FAM227B: variants seen among roughly 807,000 people sequenced by gnomAD.
FAM227B encodes the protein protein FAM227B.
In FAM227B, 88 loss-of-function variants were observed where a neutral mutation model predicts 73.8. That is an observed-to-expected ratio of 1.19 (90% confidence interval 1.00 to 1.42). The LOEUF (loss-of-function observed/expected upper bound fraction) is 1.42. FAM227B is among the 40% of genes most tolerant of loss of function. The pLI, the probability that FAM227B is intolerant of heterozygous loss-of-function variation, is 0.00. For synonymous variants in FAM227B, 210 were observed against 190.5 expected (o/e 1.10, Z -0.84); for missense variants, 632 against 590.9 (o/e 1.07, Z -0.72).
chr15:49,338,798 C>T (rs529919388), intron 13 of FAM227B, among the ~76,000 whole-genome samples: 11 of 152,130 alleles, frequency 7.2e-5, no homozygotes, highest in Non-Finnish European at 1.3e-4. Context: ...CACATAGTCC[C>T]ATATTTGTTG....
intron 10 of FAM227B, among the ~76,000 whole-genome samples, chr15:49,532,728 A>G (rs2060705092): frequency 6.6e-6 from 1 of 151,926 alleles, no homozygotes; most frequent in Admixed American, 6.6e-5. Flanking sequence ...TTTAATCAGA[A>G]CAACTTTACA....
chr15:49,357,682 C>G lies in FAM227B; in HGVS notation c.1271+9766G>C, dbSNP rs200717562. Reference sequence around the variant, plus strand: ...GTACAAGGAGGAACTGGTACCATTCCTTCTGAAACTATTCCAATCAATAGA... The same window carrying G: ...GTACAAGGAGGAACTGGTACCATTCGTTCTGAAACTATTCCAATCAATAGA... On this transcript the variant is annotated intron_variant, in intron 13 of 15. Transcript: ENST00000299338. 6.1e-4 allele frequency among the ~76,000 whole-genome samples: 92 copies of G among 151,856 alleles called. No individual in the cohort carries two copies. The East Asian group carries it at 0.012, about 20-fold the overall frequency.
At chr15:49,586,209 G>C (rs1012026595) in intron 5 of FAM227B, among the ~76,000 whole-genome samples, 1 of 152,092 alleles carries the variant, frequency 6.6e-6, no homozygotes, top group Non-Finnish European at 1.5e-5. Flanking sequence ...CAATGGAACA[G>C]AATAAAGAAC....
Position 49,381,228 on chromosome 15 carries a change from C to A in FAM227B, c.1013-9829G>T, listed in dbSNP as rs2046513291. On this transcript the variant is annotated intron_variant, in intron 11 of 15. Transcript: ENST00000299338. ...TCTCCCTCTAGGCCCATCTCCAACA[C>A]TGGGGATTATATCTCAACATTAGAT... is the stretch of plus-strand genomic sequence containing the variant. 2.0e-5 allele frequency among the ~76,000 whole-genome samples: 3 copies of A among 152,170 alleles called. No homozygotes were observed. In the South Asian group the frequency reaches 6.2e-4, roughly 32 times the overall value.
chr15:49,520,362 GC>G (rs1262417938), intron 10 of FAM227B, among the ~76,000 whole-genome samples: 9 of 152,062 alleles, frequency 5.9e-5, no homozygotes, highest in Admixed American at 5.9e-4. Context: ...TTTCTTCTGA[GC>G]CCTCCAAACT....
intron 9 of FAM227B, among the ~76,000 whole-genome samples, chr15:49,564,053 C>T (rs1201236737): frequency 6.6e-6 from 1 of 152,098 alleles, no homozygotes; most frequent in East Asian, 1.9e-4. Context: ...AAACAGGCAA[C>T]CTACAGAATA....
At chr15:49,460,645 A>G (rs1597345650) in intron 11 of FAM227B, among the ~76,000 whole-genome samples, 1 of 152,202 alleles carries the variant, frequency 6.6e-6, no homozygotes, top group East Asian at 1.9e-4. Flanking sequence ...TTTAACCCAC[A>G]CACATTGTAT....
intron 12 of FAM227B, among the ~76,000 whole-genome samples, chr15:49,369,465 A>T (rs931865620): frequency 2.0e-5 from 3 of 152,218 alleles, no homozygotes; most frequent in Non-Finnish European, 4.4e-5. Context: ...CAAAGAATCA[A>T]GCAACTCCAT....
intron 13 of FAM227B, among the ~76,000 whole-genome samples, chr15:49,354,579 C>G (rs529292466): frequency 6.6e-6 from 1 of 152,362 alleles, no homozygotes; most frequent in Non-Finnish European, 1.5e-5. Context: ...TATCCCGCAC[C>G]TGGCTGGAAG....
In FAM227B at chr15:49,491,169, C is replaced by T. The variant is rs150300401; in HGVS notation, c.1012+17042G>A. 2.8e-3 allele frequency among the ~76,000 whole-genome samples: 419 copies of T among 152,038 alleles called. 1 individual carries two copies. The highest frequency in any genetic ancestry group is 4.8e-3 in the Non-Finnish European group (329 of 67,868). On this transcript the variant is annotated intron_variant, in intron 11 of 15. Coordinates refer to ENST00000299338, the MANE Select transcript of FAM227B (RefSeq NM_152647.3). ...TTCTTTCTCAACATCCATTCAGATT[C>T]ATCTCTTTCTTCATCCTCCTACAGC... is the stretch of plus-strand genomic sequence containing the variant.
intron 9 of FAM227B, among the ~76,000 whole-genome samples, chr15:49,567,660 A>G (rs553605817): frequency 1.9e-4 from 29 of 152,298 alleles, no homozygotes; most frequent in African/African-American, 7.0e-4. Context: ...AAGTATTTGA[A>G]TATGACTTGT....
At chr15:49,529,840 T>C (rs980366830) in intron 10 of FAM227B, among the ~76,000 whole-genome samples, 26 of 151,872 alleles carry the variant, frequency 1.7e-4, no homozygotes, top group African/African-American at 6.3e-4. Flanking sequence ...TTGAAGATTG[T>C]TATATAAATG....
intron 9 of FAM227B, among the ~76,000 whole-genome samples, chr15:49,543,673 CTT>C (rs778517471): frequency 6.6e-5 from 10 of 151,932 alleles, no homozygotes; most frequent in Non-Finnish European, 1.3e-4. Context: ...CTTCAGTTGA[CTT>C]TTGTATAAGA....
At position 49,590,021 on chromosome 15, in the gene FAM227B, GA is replaced by G; in HGVS notation, c.106-15del. On this transcript the variant is annotated splice_polypyrimidine_tract_variant and intron_variant, in intron 3 of 15. Coordinates refer to ENST00000299338, the MANE Select transcript of FAM227B (RefSeq NM_152647.3). ...TGGCCAATAATCCTGCAAAAAACGT[GA>G]AAGAGAGAATATAGCTTAAGTCATT... 7.6e-7 allele frequency: 1 copy of G among 1,307,444 alleles called. No homozygotes were observed. Among genetic ancestry groups the G allele is most frequent in the Non-Finnish European group, 1.1e-6 (1 of 904,708 alleles). The allele number at this position is 1,307,444 out of a possible 1,614,324, so 81.0% of individuals were successfully genotyped here. A position where few individuals can be genotyped will look rare whatever the true frequency, so the allele number is the denominator to read the frequency against.
intron 13 of FAM227B, among the ~76,000 whole-genome samples, chr15:49,340,421 C>A (rs1194196265): frequency 2.1e-5 from 3 of 145,984 alleles, no homozygotes; most frequent in African/African-American, 5.1e-5. Context: ...CCTCCCCCCC[C>A]CGCTTTGCCT....
chr15:49,594,577 A>C (rs1383123145), intron 3 of FAM227B, among the ~76,000 whole-genome samples: 1 of 152,130 alleles, frequency 6.6e-6, no homozygotes, highest in Non-Finnish European at 1.5e-5. Flanking sequence ...TAAGTCTTTG[A>C]TCCATCTTGA....
intron 2 of FAM227B, 142 bp from the exon 3 acceptor site, chr15:49,611,410 C>T: frequency 2.0e-6 from 1 of 496,500 alleles, no homozygotes; most frequent in South Asian, 3.8e-5. Flanking sequence ...TCACTTTATA[C>T]CATCCCTCCA....
chr15:49,352,108 AG>A (rs2042341205), intron 13 of FAM227B, among the ~76,000 whole-genome samples: 1 of 152,110 alleles, frequency 6.6e-6, no homozygotes, highest in South Asian at 2.1e-4. Flanking sequence ...GCTCATCCTC[AG>A]CTGTGACTGC....
At chr15:49,524,485 G>T (rs12907918) in intron 10 of FAM227B, among the ~76,000 whole-genome samples, 1 of 152,102 alleles carries the variant, frequency 6.6e-6, no homozygotes, top group Non-Finnish European at 1.5e-5. Flanking sequence ...TTTGCTGCAC[G>T]GGAGGGACCC....
Sources: gnomAD v4.1 joint callset for allele counts (sites outside exome capture counted in the v4.1 genomes callset) on GRCh38, gnomAD v4.1.1 for gene constraint, MANE v1.5 for transcripts, NCBI Gene and HGNC (gene_info 2026-07-23, HGNC 2026-07-21) for gene names.